CACNA2D2: variants seen among roughly 807,000 people sequenced by gnomAD.
CACNA2D2 encodes calcium voltage-gated channel auxiliary subunit alpha2delta 2.
CACNA2D2 carries 48 observed loss-of-function variants against 166.4 expected under a neutral mutation model. That is an observed-to-expected ratio of 0.29 (90% confidence interval 0.23 to 0.37). CACNA2D2 has a LOEUF of 0.37. CACNA2D2 is among the 10% of genes least tolerant of loss of function. The probability of loss-of-function intolerance (pLI) is 1.00; values close to 1 mark genes in which losing one functional copy is unlikely to be tolerated. For synonymous variants in CACNA2D2, 561 were observed against 573.7 expected, an observed-to-expected ratio of 0.98 and a Z score of 0.32; for missense variants, 1,122 against 1,433.0, an observed-to-expected ratio of 0.78 and a Z score of 3.50.
chr3:50,477,586 G>C (rs1172466005), intron 1 of CACNA2D2, among the ~76,000 whole-genome samples: 5 of 152,194 alleles, frequency 3.3e-5, no homozygotes. Context: ...TTGCCCTCAT[G>C]CATTTGAAAA....
intron 1 of CACNA2D2, among the ~76,000 whole-genome samples, chr3:50,496,075 A>G (rs1440685939): frequency 6.6e-6 from 1 of 152,232 alleles, no homozygotes; most frequent in East Asian, 1.9e-4. Flanking sequence ...TGGCCCTAAC[A>G]ATCAGGATGC....
At chr3:50,459,521 TG>T (rs1417762220) in intron 2 of CACNA2D2, among the ~76,000 whole-genome samples, 9 of 152,112 alleles carry the variant, frequency 5.9e-5, no homozygotes, top group Non-Finnish European at 1.2e-4. Flanking sequence ...CTTCAGCCCT[TG>T]GCACTACAGG....
At chr3:50,452,917 ACT>A (rs985063208) in intron 2 of CACNA2D2, among the ~76,000 whole-genome samples, 11 of 152,198 alleles carry the variant, frequency 7.2e-5, no homozygotes, top group Non-Finnish European at 1.2e-4. Flanking sequence ...CCCCCACTAA[ACT>A]CTCTGAGCCT....
At chr3:50,478,064 T>A (rs1236051043) in intron 1 of CACNA2D2, among the ~76,000 whole-genome samples, 1 of 150,996 alleles carries the variant, frequency 6.6e-6, no homozygotes, top group Admixed American at 6.6e-5. Flanking sequence ...AAAAAAAAAA[T>A]CAACATCAAA....
At chr3:50,410,911 C>T (rs1304535035) in intron 3 of CACNA2D2, among the ~76,000 whole-genome samples, 1 of 152,244 alleles carries the variant, frequency 6.6e-6, no homozygotes, top group African/African-American at 2.4e-5. Flanking sequence ...CACATGTGCA[C>T]ATGTGCAGAC....
In CACNA2D2 at chr3:50,375,898, G is replaced by A; in HGVS notation, c.1774-18C>T. 6.2e-7 allele frequency: 1 copy of A among 1,612,960 alleles called. No individual in the cohort carries two copies. The highest frequency in any genetic ancestry group is 1.7e-5 in the Admixed American group (1 of 60,024). On this transcript the variant is annotated intron_variant, in intron 19 of 37. Coordinates refer to ENST00000424201, the MANE Select transcript of CACNA2D2 (RefSeq NM_006030.4). The surrounding 1 kb of genome is among the most constrained non-coding windows in gnomAD (Gnocchi z 4.0). ...CGACGGATCTGGAAGGGCCAGAGAT[G>A]TGAGGGGCAGGGCCCCTACACTCCT...
At chr3:50,423,586 G>A (rs1559933773) in intron 3 of CACNA2D2, among the ~76,000 whole-genome samples, 1 of 152,218 alleles carries the variant, frequency 6.6e-6, no homozygotes, top group Non-Finnish European at 1.5e-5. Flanking sequence ...TCCAGGGAGG[G>A]GCTGGACCCT....
At chr3:50,374,616 G>T (rs1675930612) in intron 22 of CACNA2D2, 121 bp downstream of exon 22, 1 of 1,064,268 alleles carries the variant, frequency 9.4e-7, no homozygotes, top group Admixed American at 2.3e-5. Flanking sequence ...ACCTGAGGGT[G>T]GGCAGACTGG....
rs1353664624 is a variant in CACNA2D2, at chr3:50,362,906, C to CT, written c.*1759dup. On this transcript the variant is annotated 3_prime_UTR_variant, in exon 38 of 38. Coordinates refer to ENST00000424201, the MANE Select transcript of CACNA2D2 (RefSeq NM_006030.4). The stretch of plus-strand genomic sequence containing the variant: ...CACGATATTTTACAAAGTTTCTTGA[C>CT]TTTTTTGTCGCTGTTGTTTTTCCAA... 2 of 392,082 alleles carry CT rather than the reference C, an allele frequency of 5.1e-6. No individual in the cohort carries two copies. The highest frequency in any genetic ancestry group is 9.0e-6 in the Non-Finnish European group (2 of 222,602). The allele number at this position is 392,082 out of a possible 1,614,324, so 24.3% of individuals were successfully genotyped here.
At chr3:50,386,636 C>A (rs587652656) in intron 5 of CACNA2D2, among the ~76,000 whole-genome samples, 115 of 152,328 alleles carry the variant, frequency 7.5e-4, no homozygotes, top group Non-Finnish European at 1.5e-3. Context: ...GGATCCTGCA[C>A]AGGGATCCTT....
intron 3 of CACNA2D2, among the ~76,000 whole-genome samples, chr3:50,394,944 C>T (rs773031076): frequency 2.0e-5 from 3 of 152,180 alleles, no homozygotes; most frequent in Non-Finnish European, 4.4e-5. Flanking sequence ...TGTGGGGGCT[C>T]GGGACCTCAG....
At chr3:50,480,192 T>C (rs1697985877) in intron 1 of CACNA2D2, among the ~76,000 whole-genome samples, 1 of 152,186 alleles carries the variant, frequency 6.6e-6, no homozygotes, top group Non-Finnish European at 1.5e-5. Flanking sequence ...ATCTATTCCA[T>C]GATCCCATCT....
intron 3 of CACNA2D2, among the ~76,000 whole-genome samples, chr3:50,416,717 G>C (rs770561815): frequency 6.6e-6 from 1 of 152,024 alleles, no homozygotes; most frequent in Non-Finnish European, 1.5e-5. Context: ...GTGTGGTCTC[G>C]GGCAAGTCTC....
chr3:50,485,878 G>T (rs1265297458), intron 1 of CACNA2D2, among the ~76,000 whole-genome samples: 1 of 152,144 alleles, frequency 6.6e-6, no homozygotes, highest in Non-Finnish European at 1.5e-5. Flanking sequence ...GGCCTCCCAG[G>T]GGCAAGGCAA....
At chr3:50,406,074 G>A (rs962534570) in intron 3 of CACNA2D2, among the ~76,000 whole-genome samples, 2 of 151,812 alleles carry the variant, frequency 1.3e-5, no homozygotes, top group African/African-American at 4.8e-5. Flanking sequence ...CAGAGTCAGA[G>A]TGGCTCTGCC....
Position 50,402,026 on chromosome 3 carries a change from T to C in CACNA2D2, c.406-7858A>G, listed in dbSNP as rs1706474479. ...CTGCATCCGGCCAAAGTGGACGTTTTAACATCAAGAGGAGGAAGGCCATGA... is the reference window on the plus strand; with the variant it reads ...CTGCATCCGGCCAAAGTGGACGTTTCAACATCAAGAGGAGGAAGGCCATGA... On this transcript the variant is annotated intron_variant, in intron 3 of 37. Coordinates refer to ENST00000424201, the MANE Select transcript of CACNA2D2 (RefSeq NM_006030.4). Among the ~76,000 whole-genome samples the C allele has an allele frequency of 2.0e-5, 3 of 152,180 alleles. No homozygotes were observed. The South Asian group carries it at 6.2e-4, about 31-fold the overall frequency.
intron 2 of CACNA2D2, among the ~76,000 whole-genome samples, chr3:50,452,583 G>C (rs182161207): frequency 6.6e-6 from 1 of 152,328 alleles, no homozygotes; most frequent in East Asian, 1.9e-4. Flanking sequence ...GTAATTATAA[G>C]AACTATGGAA....
At chr3:50,453,846 G>C (rs963714461) in intron 2 of CACNA2D2, among the ~76,000 whole-genome samples, 1 of 152,192 alleles carries the variant, frequency 6.6e-6, no homozygotes, top group African/African-American at 2.4e-5. Flanking sequence ...CCACGGCTGG[G>C]AGGTAGGCTA....
chr3:50,458,075 G>C (rs539772879), intron 2 of CACNA2D2, among the ~76,000 whole-genome samples: 1 of 152,338 alleles, frequency 6.6e-6, no homozygotes, highest in South Asian at 2.1e-4. Flanking sequence ...TAGATTATGA[G>C]CACAGGGAAG....
Sources: allele counts gnomAD v4.1 joint callset (sites outside exome capture counted in the v4.1 genomes callset), GRCh38; gene constraint gnomAD v4.1.1; non-coding constraint Gnocchi (gnomAD v3.1); transcripts MANE v1.5; gene names NCBI Gene and HGNC (gene_info 2026-07-23, HGNC 2026-07-21).